FGF14: variants seen among roughly 807,000 people sequenced by gnomAD.
The protein encoded by FGF14 is fibroblast growth factor 14, also known as fibroblast growth factor homologous factor 4.
Under a neutral mutation model 25.5 loss-of-function variants are expected in FGF14, and 5 were observed. That is an observed-to-expected ratio of 0.20 (90% CI 0.10 to 0.41). The LOEUF is 0.41. Among genes scored for constraint, FGF14 ranks in the 10% least tolerant of loss-of-function variants. The pLI is 1.00. For synonymous variants in FGF14, 138 were observed against 118.3 expected (o/e 1.17, Z -1.08); for missense variants, 222 against 320.1 (o/e 0.69, Z 2.34).
At chr13:102,103,128 T>C (rs926093162) in intron 1 of FGF14, among the ~76,000 whole-genome samples, 1 of 151,822 alleles carries the variant, frequency 6.6e-6, no homozygotes, top group African/African-American at 2.4e-5. Flanking sequence ...AAACAAGAGG[T>C]GAGGACAGAA....
rs138108106 is a variant in FGF14, at chr13:102,249,046, A to G, written c.208+152425T>C. ...AGTTTGAGATACATGGGTTCTAGGT[A>G]TGGTGGGGCATCTATGTAGAGCCAC... is the stretch of plus-strand genomic sequence containing the variant. On this transcript the variant is annotated intron_variant, in intron 1 of 4. Transcript: ENST00000376131. Among the ~76,000 whole-genome samples the G allele has an allele frequency of 2.6e-5, 4 of 152,274 alleles. No homozygotes were observed. The East Asian group carries it at 7.7e-4, about 29-fold the overall frequency.
rs371244160 is a variant in FGF14 at position 102,161,565 on chromosome 13, T to TTA, written c.208+239905_208+239906insTA. 4.4e-4 allele frequency among the ~76,000 whole-genome samples: 43 copies of TTA among 97,982 alleles called. 12 individuals are homozygous for TTA. The highest frequency in any genetic ancestry group is 6.8e-4 in the East Asian group (2 of 2,942). 64.3% of individuals were successfully genotyped at this position (97,982 alleles called of 152,430 possible). The stretch of plus-strand genomic sequence containing the variant: ...TATTCTCTATGCAACCAACTTTCTG[T>TTA]GAAGAAAGAAAGAAGAAGAAGAAGA... On this transcript the variant is annotated intron_variant, in intron 1 of 4. Coordinates refer to the FGF14 transcript ENST00000376131.
rs189808750 is a variant in FGF14, at chr13:102,154,704, T to C, written c.208+246767A>G. ...ACGTAAATGGGCTAAATGCTCCAATTAAAAGACACAGACTGGCAAATTGGA... is the reference window on the plus strand; with the variant it reads ...ACGTAAATGGGCTAAATGCTCCAATCAAAAGACACAGACTGGCAAATTGGA... On this transcript the variant is annotated intron_variant, in intron 1 of 4. Transcript: ENST00000376131. Among the ~76,000 whole-genome samples, 860 of 152,236 alleles carry C rather than the reference T, an allele frequency of 5.6e-3. 6 individuals are homozygous for C. The highest frequency in any genetic ancestry group is 9.3e-3 in the Non-Finnish European group (631 of 68,024).
intron 1 of FGF14, among the ~76,000 whole-genome samples, chr13:101,893,362 C>A (rs1035635903): frequency 1.3e-5 from 2 of 152,132 alleles, no homozygotes; most frequent in African/African-American, 2.4e-5. Context: ...TGGCATTAAC[C>A]ATGATGTATT....
chr13:101,916,287 G>A (rs1482155018), intron 1 of FGF14, among the ~76,000 whole-genome samples, 166 bp downstream of exon 1: 1 of 152,230 alleles, frequency 6.6e-6, no homozygotes, highest in Non-Finnish European at 1.5e-5. Context: ...CAGGTTGCCC[G>A]ACAGCGGACT....
intron 1 of FGF14, among the ~76,000 whole-genome samples, chr13:102,254,184 A>G (rs1051961426): frequency 2.0e-5 from 3 of 152,342 alleles, no homozygotes; most frequent in African/African-American, 4.8e-5. Context: ...CAAAAATATA[A>G]CATGGATAGC....
Position 102,206,128 on chromosome 13 carries a change from A to AACACACAC in FGF14, c.208+195335_208+195342dup, listed in dbSNP as rs59340568. On this transcript the variant is annotated intron_variant, in intron 1 of 4. Coordinates refer to the FGF14 transcript ENST00000376131. ...ACTAATTCACACTAGTCAACCTTCA[A>AACACACAC]ACACACACACACACACACACACGGG... 7.1e-3 allele frequency among the ~76,000 whole-genome samples: 1,050 copies of AACACACAC among 147,044 alleles called. 7 individuals carry two copies. Among genetic ancestry groups the AACACACAC allele is most frequent in the Middle Eastern group, 0.017 (5 of 288 alleles).
chr13:102,275,218 C>T (rs2053451216), intron 1 of FGF14, among the ~76,000 whole-genome samples: 1 of 145,350 alleles, frequency 6.9e-6, no homozygotes, highest in Non-Finnish European at 1.5e-5. Flanking sequence ...AATCTGCCAA[C>T]TGAGATTAGG....
intron 3 of FGF14, among the ~76,000 whole-genome samples, chr13:101,768,042 C>T (rs9513947): frequency 3.7e-3 from 560 of 151,864 alleles, no homozygotes; most frequent in Non-Finnish European, 5.3e-3. Context: ...GTTTCTAAAA[C>T]GAACATAAAA....
intron 3 of FGF14, among the ~76,000 whole-genome samples, chr13:101,833,671 G>A (rs551192336): frequency 6.6e-6 from 1 of 152,116 alleles, no homozygotes; most frequent in Admixed American, 6.6e-5. Context: ...ATATATGTAT[G>A]TACATACATA....
Position 101,722,278 on chromosome 13 carries a change from G to A in FGF14, c.*553C>T, listed in dbSNP as rs150580343. 93 of 181,952 alleles carry A rather than the reference G, an allele frequency of 5.1e-4. No individual in the cohort carries two copies. The highest frequency in any genetic ancestry group is 8.1e-4 in the Non-Finnish European group (70 of 85,918). 11.3% of individuals were successfully genotyped at this position (181,952 alleles called of 1,614,324 possible). ...CTTCCTGATTCCCTGATTGCTCTCC[G>A]ACCTAAGCCAACTGCAACATTTAAG... On this transcript the variant is annotated 3_prime_UTR_variant, in exon 5 of 5. Coordinates refer to ENST00000376143, the MANE Select transcript of FGF14 (RefSeq NM_004115.4).
At chr13:102,101,787 A>G (rs2044676305) in intron 1 of FGF14, among the ~76,000 whole-genome samples, 1 of 151,758 alleles carries the variant, frequency 6.6e-6, no homozygotes, top group East Asian at 1.9e-4. Flanking sequence ...TCACTGCAAC[A>G]TCCACCTCCC....
At chr13:102,134,002 A>C (rs1262412490) in intron 1 of FGF14, among the ~76,000 whole-genome samples, 1 of 152,254 alleles carries the variant, frequency 6.6e-6, no homozygotes, top group African/African-American at 2.4e-5. Context: ...GCAATAAACA[A>C]ACACTTCATT....
At position 101,931,648 on chromosome 13, in the gene FGF14, CA is replaced by C. The variant is rs1314291544; in HGVS notation, c.209-56353del. Among the ~76,000 whole-genome samples the C allele has an allele frequency of 2.0e-5, 3 of 152,172 alleles. No homozygotes were observed. The East Asian group carries it at 5.8e-4, about 29-fold the overall frequency. On this transcript the variant is annotated intron_variant, in intron 1 of 4. Coordinates refer to the FGF14 transcript ENST00000376131. ...TGGCCCACAGAAGCAATTCAATGAA[CA>C]GCTGTTAAGAGTAACTTTGAAAGGT...
intron 1 of FGF14, among the ~76,000 whole-genome samples, chr13:101,955,176 G>C (rs1320490550): frequency 6.6e-6 from 1 of 152,216 alleles, no homozygotes; most frequent in African/African-American, 2.4e-5. Context: ...ACTGCAGCCT[G>C]AACACTTTCA....
At chr13:101,739,083 T>G (rs1027715411) in intron 3 of FGF14, among the ~76,000 whole-genome samples, 67 of 131,946 alleles carry the variant, frequency 5.1e-4, no homozygotes, top group African/African-American at 1.9e-3. Context: ...GTCTCATACT[T>G]TAACAGTATA....
At chr13:102,001,097 A>C (rs2039469920) in intron 1 of FGF14, among the ~76,000 whole-genome samples, 1 of 152,238 alleles carries the variant, frequency 6.6e-6, no homozygotes, top group African/African-American at 2.4e-5. Flanking sequence ...GAAACCAAGA[A>C]GGAAGATCTA....
intron 3 of FGF14, among the ~76,000 whole-genome samples, chr13:101,773,062 T>A (rs1396869314): frequency 6.6e-6 from 1 of 152,158 alleles, no homozygotes; most frequent in Non-Finnish European, 1.5e-5. Flanking sequence ...CCCTGTTGTA[T>A]GAATTTTGCA....
intron 3 of FGF14, among the ~76,000 whole-genome samples, chr13:101,750,429 A>T (rs148198419): frequency 8.9e-4 from 135 of 152,302 alleles, no homozygotes; most frequent in African/African-American, 3.1e-3. Flanking sequence ...GCAAGTTATA[A>T]AAGTTTTTAA....
Sources: allele counts gnomAD v4.1 joint callset (sites outside exome capture counted in the v4.1 genomes callset), GRCh38; gene constraint gnomAD v4.1.1; transcripts MANE v1.5; gene names NCBI Gene and HGNC (gene_info 2026-07-23, HGNC 2026-07-21).